XPC: variants seen among roughly 807,000 people sequenced by gnomAD.
XPC encodes the protein XPC complex subunit, DNA damage recognition and repair factor, also known as DNA repair protein complementing XP-C cells.
In XPC, 76 loss-of-function variants were observed where a neutral mutation model predicts 95.8. The ratio of observed to expected loss-of-function variants is 0.79; its 90% CI spans 0.66 to 0.96. The LOEUF (loss-of-function observed/expected upper bound fraction) is 0.96, where lower values mean the gene tolerates loss of function less well. Ranked by LOEUF, XPC falls within the 40% of genes least tolerant of loss-of-function variation. The pLI is 0.00. For synonymous variants in XPC, 442 were observed against 442.1 expected, an observed-to-expected ratio of 1.00 and a Z score of 0.00; for missense variants, 1,146 against 1,179.8, an observed-to-expected ratio of 0.97 and a Z score of 0.42.
At chr3:14,152,294 T>C in intron 11 of XPC, 41 bp downstream of exon 11, 1 of 1,579,110 alleles carries the variant, frequency 6.3e-7, no homozygotes, top group Non-Finnish European at 8.7e-7. Flanking sequence ...GCTACAGGCC[T>C]GTGTCACCAC....
chr3:14,147,736 G>A, intron 14 of XPC, 172 bp downstream of exon 14: 2 of 631,206 alleles, frequency 3.2e-6, no homozygotes, highest in South Asian at 4.0e-5. Flanking sequence ...AGTCTGCGGG[G>A]TGGGCAGGAG....
intron 10 of XPC, among the ~76,000 whole-genome samples, chr3:14,154,287 T>A (rs1695813817): frequency 6.6e-6 from 1 of 152,104 alleles, no homozygotes; most frequent in African/African-American, 2.4e-5. Flanking sequence ...ACTGGGTATA[T>A]GCAAACAAAC....
In XPC at chr3:14,178,455, C is replaced by T; in HGVS notation, c.103+11G>A. 1 of 1,602,398 alleles carries T rather than the reference C, an allele frequency of 6.2e-7. No homozygotes were observed. ...GCGTCTCCCGCGAAGCCCGCTGGGC[C>T]TCGCTCTCACCCTCCTCCTCCTCCT... is the stretch of plus-strand genomic sequence containing the variant. On this transcript the variant is annotated intron_variant, in intron 1 of 15. Coordinates refer to ENST00000285021, the MANE Select transcript of XPC (RefSeq NM_004628.5).
At position 14,145,676 on chromosome 3, in the gene XPC, C is replaced by T. The variant is rs1431583665; in HGVS notation, c.*265G>A. On this transcript the variant is annotated 3_prime_UTR_variant, in exon 16 of 16. Transcript: ENST00000285021. Reference sequence around the variant, plus strand: ...TATCTCCTAGCAAAGTGTTCTGTAGCTCAAAGGGTGAGTGGGCTTTGGTAG... The same window carrying T: ...TATCTCCTAGCAAAGTGTTCTGTAGTTCAAAGGGTGAGTGGGCTTTGGTAG... The T allele has an allele frequency of 1.4e-6, 1 of 699,310 alleles. No homozygotes were observed. The highest frequency in any genetic ancestry group is 1.7e-5 in the African/African-American group (1 of 57,162). The allele number at this position is 699,310 out of a possible 1,614,324, so 43.3% of individuals were successfully genotyped here.
intron 3 of XPC, among the ~76,000 whole-genome samples, 195 bp from the exon 4 acceptor site, chr3:14,168,575 C>T (rs1696485946): frequency 6.6e-6 from 1 of 151,824 alleles, no homozygotes; most frequent in South Asian, 2.1e-4. Flanking sequence ...GTTATATATT[C>T]GTGTGTCTCA....
At position 14,178,467 on chromosome 3, in the gene XPC, C is replaced by T. The variant is rs72561774; in HGVS notation, c.102G>A (p.Glu34=). Residue 34 remains glutamate (E), a splice_region_variant and synonymous_variant, in exon 1 of 16, where the codon GAG becomes GAA. Transcript: ENST00000285021. ...KSKARREEEE[E]DAFEDEKPPK... Reference sequence around the variant, plus strand: ...AAGCCCGCTGGGCCTCGCTCTCACCCTCCTCCTCCTCCTCACGCCGGGCCT... The same window carrying T: ...AAGCCCGCTGGGCCTCGCTCTCACCTTCCTCCTCCTCCTCACGCCGGGCCT... The T allele has an allele frequency of 7.1e-4, 1,057 of 1,479,406 alleles. 13 individuals carry two copies. In the South Asian group the frequency reaches 0.011, roughly 16 times the overall value. 91.6% of individuals were successfully genotyped at this position (1,479,406 alleles called of 1,614,324 possible).
At position 14,167,235 on chromosome 3, in the gene XPC, C is replaced by G. The variant is rs1696420035; in HGVS notation, c.555G>C (p.Glu185Asp). Residue 185 changes from glutamate to aspartate, a missense_variant, in exon 5 of 16, where the codon GAG becomes GAC. Transcript: ENST00000285021. ...TRERSEKIKLEFETYLRRAMK... is the reference protein window; with the variant it reads ...TRERSEKIKLDFETYLRRAMK... ...TCGCCCTCCGAAGATATGTCTCAAA[C>G]TCCAGTTTTATCTTTTCACTGCAAC... 6.2e-7 allele frequency: 1 copy of G among 1,611,918 alleles called. No individual in the cohort carries two copies. The highest frequency in any genetic ancestry group is 1.1e-5 in the South Asian group (1 of 90,634).
intron 5 of XPC, 132 bp from the exon 6 acceptor site, chr3:14,165,717 A>C: frequency 9.1e-7 from 1 of 1,104,036 alleles, no homozygotes; most frequent in Admixed American, 2.2e-5. Flanking sequence ...AGAAAGTAAA[A>C]ACACTAGCAT....
chr3:14,147,575 CAG>C, intron 14 of XPC, 196 bp from the exon 15 acceptor site: 1 of 631,694 alleles, frequency 1.6e-6, no homozygotes. Context: ...GCCACAAAAA[CAG>C]ATAACTTTTT....
At chr3:14,167,031 G>C (rs1696407873) in intron 5 of XPC, 138 bp downstream of exon 5, 1 of 644,830 alleles carries the variant, frequency 1.6e-6, no homozygotes, top group Non-Finnish European at 2.4e-6. Context: ...CCACCTCCCA[G>C]ATGAGGATGC....
rs888931899 is a variant in XPC at position 14,161,301 on chromosome 3, G to A, written c.901-1471C>T. On this transcript the variant is annotated intron_variant, in intron 7 of 15. Transcript: ENST00000285021. ...CAATCTTTCTCCAACTCTTTCAAAC[G>A]TTAGAAGAGGAAATATTTTTTAACT... Among the ~76,000 whole-genome samples the A allele has an allele frequency of 8.5e-5, 13 of 152,210 alleles. 1 individual carries two copies. The East Asian group carries it at 9.7e-4, about 11-fold the overall frequency.
chr3:14,146,134 T>C lies in XPC; in HGVS notation c.2630A>G (p.Asp877Gly). The C allele has an allele frequency of 6.2e-7, 1 of 1,610,540 alleles. No homozygotes were observed. The highest frequency in any genetic ancestry group is 8.5e-7 in the Non-Finnish European group (1 of 1,179,018). ...PKSEAAAPHT[D>G]AGGGLSSDEE... ...ATCAGAAGAGAGTCCACCTCCTGCA[T>C]CTGTGTGGGGAGCTGCTGCCTCACT... Residue 877 changes from aspartate to glycine, a missense_variant, in exon 16 of 16, where the codon GAT (aspartate) becomes GGT (glycine). By Grantham distance (94) the Asp-to-Gly change is moderately conservative. Coordinates refer to ENST00000285021, the MANE Select transcript of XPC (RefSeq NM_004628.5).
At chr3:14,170,206 A>G (rs1381009863) in intron 3 of XPC, among the ~76,000 whole-genome samples, 2 of 152,252 alleles carry the variant, frequency 1.3e-5, no homozygotes, top group African/African-American at 2.4e-5. Context: ...CTCTCTATTT[A>G]TATCTACCCC....
In XPC at chr3:14,145,385, G is replaced by A; in HGVS notation, c.*556C>T. On this transcript the variant is annotated 3_prime_UTR_variant, in exon 16 of 16. Coordinates refer to ENST00000285021, the MANE Select transcript of XPC (RefSeq NM_004628.5). Reference sequence around the variant, plus strand: ...AAAACTAGATCCCAGCAGATGACCTGTACTTCTCTGCTCTCTCCCCTACTG... The same window carrying A: ...AAAACTAGATCCCAGCAGATGACCTATACTTCTCTGCTCTCTCCCCTACTG... 1 of 700,002 alleles carries A rather than the reference G, an allele frequency of 1.4e-6. No individual in the cohort carries two copies. The highest frequency in any genetic ancestry group is 2.6e-6 in the Non-Finnish European group (1 of 384,678). 43.4% of individuals were successfully genotyped at this position (700,002 alleles called of 1,614,324 possible).
rs1695412735 is a variant in XPC at position 14,145,987 on chromosome 3, TC to T, written c.2776del (p.Glu926LysfsTer21). 1 of 1,608,760 alleles carries T rather than the reference TC, an allele frequency of 6.2e-7. No homozygotes were observed. Among genetic ancestry groups the T allele is most frequent in the Non-Finnish European group, 8.5e-7 (1 of 1,176,232 alleles). The part of the protein sequence containing the change: ...LKGGPKKTKR[E>X]KKAAASHLFP... ...CAGGTGGGAAGCTGCTGCTTTCTTTTCCCTTTTGGTCTTCTTGGGCCCACCC... is the reference window on the plus strand; with the variant it reads ...CAGGTGGGAAGCTGCTGCTTTCTTTTCCTTTTGGTCTTCTTGGGCCCACCC... On this transcript the variant is annotated frameshift_variant, in exon 16 of 16. Transcript: ENST00000285021. LOFTEE classifies it high-confidence loss of function.
At position 14,148,701 on chromosome 3, in the gene XPC, G is replaced by A; in HGVS notation, c.2281C>T (p.Leu761Phe). The stretch of plus-strand genomic sequence containing the variant: ...ATAGGCATCATGCTGGGCAGGAAGA[G>A]GTACACATTCCCAAACTCGTTCCGG... ...VPRNEFGNVY[L>F]FLPSMMPIGC... Residue 761 changes from leucine (L) to phenylalanine (F), a missense_variant, in exon 13 of 16, where the codon CTC becomes TTC. Leu to Phe is a conservative substitution (Grantham distance 22). Coordinates refer to ENST00000285021, the MANE Select transcript of XPC (RefSeq NM_004628.5). 3 of 1,614,038 alleles carry A rather than the reference G, an allele frequency of 1.9e-6. No individual in the cohort carries two copies. Among genetic ancestry groups the A allele is most frequent in the African/African-American group, 2.7e-5 (2 of 75,052 alleles).
chr3:14,172,884 G>A lies in XPC; in HGVS notation c.282C>T (p.Ser94=), dbSNP rs1403858767. ...NLKVIKDEAL[S]DGDDLRDFPS... ...CATCTCACCTGAGGTCATCCCCATC[G>A]CTGAGGGCTTCATCCTTTATAACCT... Residue 94 remains serine (S), a synonymous_variant, in exon 2 of 16, where the codon AGC becomes AGT. Coordinates refer to ENST00000285021, the MANE Select transcript of XPC (RefSeq NM_004628.5). 17 of 1,613,594 alleles carry A rather than the reference G, an allele frequency of 1.1e-5. No homozygotes were observed. The highest frequency in any genetic ancestry group is 5.5e-5 in the South Asian group (5 of 91,050).
chr3:14,167,203 C>G lies in XPC; in HGVS notation c.587G>C (p.Arg196Pro). ...GTCCTCATGGACCCCTTTATTGAAA[C>G]GTTTCATCGCCCTCCGAAGATATGT... ...FETYLRRAMK[R>P]FNKGVHEDTH... Residue 196 changes from arginine to proline, a missense_variant, in exon 5 of 16, where the codon CGT becomes CCT. Transcript: ENST00000285021. The G allele has an allele frequency of 6.2e-7, 1 of 1,609,990 alleles. No individual in the cohort carries two copies. Among genetic ancestry groups the G allele is most frequent in the Non-Finnish European group, 8.5e-7 (1 of 1,177,982 alleles).
Position 14,147,361 on chromosome 3 carries a change from G to T in XPC, c.2533C>A (p.Leu845Ile). ...TTGGCCAGCAACTTCCAGTTCCCTA[G>T]AGCCCGCTTCTCCTTTTTCTGCAGG... ...KEKEKKEKRA[L>I]GNWKLLAKGL... is the part of the protein sequence containing the mutation. The change falls in exon 15 of 16, where the codon CTA (leucine) becomes ATA (isoleucine). Residue 845 changes from leucine (L) to isoleucine (I), a missense_variant. Physicochemically the swap from Leu to Ile is conservative, Grantham distance 5. Coordinates refer to ENST00000285021, the MANE Select transcript of XPC (RefSeq NM_004628.5). The T allele has an allele frequency of 6.2e-7, 1 of 1,610,578 alleles. No individual in the cohort carries two copies. Among genetic ancestry groups the T allele is most frequent in the Non-Finnish European group, 8.5e-7 (1 of 1,178,532 alleles).
Sources: gnomAD v4.1 joint callset for allele counts (sites outside exome capture counted in the v4.1 genomes callset) on GRCh38, gnomAD v4.1.1 for gene constraint, MANE v1.5 for transcripts, NCBI Gene and HGNC (gene_info 2026-07-23, HGNC 2026-07-21) for gene names.